Variants in FBXO4 observed in about 807,000 individuals in gnomAD.
The protein encoded by FBXO4 is F-box only protein 4.
A neutral mutation model predicts 43.7 loss-of-function variants in FBXO4; 36 were observed. The observed-to-expected ratio is 0.82, with a 90% CI of 0.63 to 1.09. FBXO4 has a LOEUF of 1.09. FBXO4 is among the 50% of genes least tolerant of loss of function. The pLI, the probability that FBXO4 is intolerant of heterozygous loss-of-function variation, is 0.00. For synonymous variants in FBXO4, 180 were observed against 165.6 expected (o/e 1.09, Z -0.67); for missense variants, 435 against 474.1 (o/e 0.92, Z 0.77).
chr5:41,980,742 C>A, the FBXO4 span, among the ~76,000 whole-genome samples: 1 of 151,678 alleles, frequency 6.6e-6, no homozygotes, highest in East Asian at 1.9e-4. Flanking sequence ...TATATGAGAA[C>A]CACTTTAGGT....
the FBXO4 span, among the ~76,000 whole-genome samples, chr5:42,019,562 C>T: frequency 2.0e-5 from 3 of 151,896 alleles, no homozygotes; most frequent in African/African-American, 7.2e-5. Flanking sequence ...GTGGCACACG[C>T]CTGTAGTCCT....
the FBXO4 span, among the ~76,000 whole-genome samples, chr5:41,971,473 T>C: frequency 1.3e-5 from 2 of 152,048 alleles, no homozygotes; most frequent in Non-Finnish European, 2.9e-5. Flanking sequence ...CTGCTAAGAA[T>C]TAAGATATGA....
the FBXO4 span, among the ~76,000 whole-genome samples, chr5:41,966,771 C>G: frequency 3.2e-3 from 482 of 152,054 alleles, 3 homozygotes; most frequent in African/African-American, 0.011. Context: ...GGTTTGGTAC[C>G]TAAAATGATT....
chr5:41,959,721 G>A, the FBXO4 span, among the ~76,000 whole-genome samples: 1 of 152,034 alleles, frequency 6.6e-6, no homozygotes, highest in Non-Finnish European at 1.5e-5. Context: ...ATTGGTCAAG[G>A]TGTCTATTTT....
chr5:42,020,578 G>C, the FBXO4 span, among the ~76,000 whole-genome samples: 23 of 152,066 alleles, frequency 1.5e-4, no homozygotes, highest in South Asian at 8.3e-4. Context: ...GTTCACAGTC[G>C]GTGTGGTGTT....
chr5:41,934,868 T>C (rs1751808795), intron 5 of FBXO4: 1 of 988,052 alleles, frequency 1.0e-6, no homozygotes, highest in South Asian at 4.6e-5. Flanking sequence ...AAAATATCAT[T>C]GGGCCATGAG....
At chr5:41,955,461 A>T in the FBXO4 span, among the ~76,000 whole-genome samples, 1 of 152,208 alleles carries the variant, frequency 6.6e-6, no homozygotes, top group South Asian at 2.1e-4. Flanking sequence ...TTCAAACATC[A>T]AGTAATAAAA....
chr5:41,953,776 T>C, the FBXO4 span, among the ~76,000 whole-genome samples: 1 of 150,908 alleles, frequency 6.6e-6, no homozygotes, highest in South Asian at 2.1e-4. Context: ...CATGTGTCTT[T>C]TGGCTGCATA....
the FBXO4 span, among the ~76,000 whole-genome samples, chr5:42,022,863 G>C: frequency 3.9e-5 from 6 of 152,018 alleles, no homozygotes; most frequent in African/African-American, 9.6e-5. Flanking sequence ...CAGATTATCT[G>C]GATACTCTTG....
chr5:42,023,532 T>C, the FBXO4 span, among the ~76,000 whole-genome samples: 3 of 152,180 alleles, frequency 2.0e-5, no homozygotes, highest in East Asian at 5.8e-4. Flanking sequence ...TCCTAAATTG[T>C]TATACAGTTG....
At chr5:42,035,860 AT>A in the FBXO4 span, among the ~76,000 whole-genome samples, 4 of 152,084 alleles carry the variant, frequency 2.6e-5, no homozygotes, top group Admixed American at 6.6e-5. Context: ...TAAAATTAAT[AT>A]TTTTTATTGG....
chr5:41,993,618 G>GAGAT, the FBXO4 span, among the ~76,000 whole-genome samples: 43 of 136,672 alleles, frequency 3.1e-4, no homozygotes, highest in Middle Eastern at 4.0e-3. Context: ...GAACTAATAG[G>GAGAT]ATATATATAT....
chr5:42,026,727 A>G, the FBXO4 span, among the ~76,000 whole-genome samples: 1 of 151,720 alleles, frequency 6.6e-6, no homozygotes, highest in Non-Finnish European at 1.5e-5. Flanking sequence ...ATGATGAGGT[A>G]TATTCCTTCT....
chr5:42,033,500 G>T, the FBXO4 span, among the ~76,000 whole-genome samples: 2,437 of 152,072 alleles, frequency 0.016, 122 homozygotes, highest in East Asian at 0.1. Flanking sequence ...TAGGTTTTAA[G>T]CCCCGTATGC....
At chr5:41,935,230 A>T (rs896164645) in intron 5 of FBXO4, 8 of 783,710 alleles carry the variant, frequency 1.0e-5, no homozygotes, top group East Asian at 1.3e-4. Flanking sequence ...AAAATAAATT[A>T]AAAAAATTTA....
At chr5:42,026,126 G>C in the FBXO4 span, among the ~76,000 whole-genome samples, 1 of 151,742 alleles carries the variant, frequency 6.6e-6, no homozygotes, top group Admixed American at 6.6e-5. Flanking sequence ...AGATTGCTTT[G>C]GGTTTTATGG....
At chr5:41,993,618 G>GATATATATATATAT in the FBXO4 span, among the ~76,000 whole-genome samples, 211 of 136,660 alleles carry the variant, frequency 1.5e-3, 1 homozygote, top group African/African-American at 5.4e-3. Context: ...GAACTAATAG[G>GATATATATATATAT]ATATATATAT....
the FBXO4 span, among the ~76,000 whole-genome samples, chr5:42,017,955 A>C: frequency 1.3e-5 from 2 of 151,880 alleles, no homozygotes; most frequent in South Asian, 4.1e-4. Flanking sequence ...TTGGATATAT[A>C]CTCAGTAATT....
the FBXO4 span, among the ~76,000 whole-genome samples, chr5:42,005,941 C>G: frequency 6.6e-6 from 1 of 152,084 alleles, no homozygotes; most frequent in African/African-American, 2.4e-5. Context: ...CCTAAGGCCC[C>G]CTGTGACCTA....
Sources: allele counts gnomAD v4.1 joint callset (sites outside exome capture counted in the v4.1 genomes callset), GRCh38; gene constraint gnomAD v4.1.1; transcripts MANE v1.5; gene names NCBI Gene and HGNC (gene_info 2026-07-23, HGNC 2026-07-21).